The following ACVR1B variants were observed in gnomAD, a reference collection of about 807,000 sequenced individuals.
The protein encoded by ACVR1B is activin receptor type-1B.
In ACVR1B, 15 loss-of-function variants were observed where a neutral mutation model predicts 55.6. The observed-to-expected ratio is 0.27, with a 90% CI of 0.18 to 0.42. ACVR1B has a LOEUF of 0.42. ACVR1B is among the 10% of genes least tolerant of loss of function. The pLI is 1.00. For synonymous variants in ACVR1B, 247 were observed against 254.6 expected (o/e 0.97, Z 0.28); for missense variants, 359 against 670.1 (o/e 0.54, Z 5.13).
intron 4 of ACVR1B, chr12:51,982,711 A>G (rs2120678298): frequency 2.0e-6 from 3 of 1,533,282 alleles, no homozygotes; most frequent in Non-Finnish European, 2.6e-6. Flanking sequence ...TCACATTGCC[A>G]TGGGAAGTTG....
At chr12:51,958,358 A>G (rs1396593751) in intron 1 of ACVR1B, among the ~76,000 whole-genome samples, 1 of 152,146 alleles carries the variant, frequency 6.6e-6, no homozygotes, top group African/African-American at 2.4e-5. Context: ...TAGGGGAGAT[A>G]TGATTTTGGG....
chr12:51,960,089 G>A (rs1242443229), intron 1 of ACVR1B: 1 of 152,196 alleles, frequency 6.6e-6, no homozygotes, highest in Non-Finnish European at 1.5e-5. Context: ...TGCTGAGAGG[G>A]ATCCTGAGGA....
chr12:51,991,377 C>G (rs897187407), intron 7 of ACVR1B, among the ~76,000 whole-genome samples: 3 of 152,108 alleles, frequency 2.0e-5, no homozygotes, highest in African/African-American at 7.2e-5. Flanking sequence ...AAAAATGTTC[C>G]TGGCTACTCT....
chr12:51,984,640 C>T (rs889713467), intron 5 of ACVR1B, among the ~76,000 whole-genome samples: 47 of 152,242 alleles, frequency 3.1e-4, no homozygotes, highest in African/African-American at 1.1e-3. Context: ...AGACCTGAAG[C>T]TCTGCTACTT....
At position 51,989,565 on chromosome 12, in the gene ACVR1B, G is replaced by A. The variant is rs1942149623; in HGVS notation, c.1262-2298G>A. Among the ~76,000 whole-genome samples the A allele has an allele frequency of 2.0e-5, 3 of 152,092 alleles. No homozygotes were observed. The South Asian group carries it at 6.2e-4, about 31-fold the overall frequency. ...CTCCCAAAGTGCTAGGATTATAAGC[G>A]TGAGCCACTGTGCCTGGCCTAAATT... On this transcript the variant is annotated intron_variant, in intron 7 of 8. Transcript: ENST00000257963.
intron 3 of ACVR1B, 53 bp from the exon 4 acceptor site, chr12:51,980,916 G>A: frequency 1.3e-6 from 2 of 1,514,920 alleles, no homozygotes; most frequent in Non-Finnish European, 1.8e-6. Context: ...GTGGGAGTTG[G>A]AAAATTTGTC....
chr12:51,954,575 G>T (rs779271454), intron 1 of ACVR1B, among the ~76,000 whole-genome samples: 2 of 152,186 alleles, frequency 1.3e-5, no homozygotes, highest in African/African-American at 4.8e-5. Flanking sequence ...TGTTTAAACA[G>T]CTCCTGGAAC....
chr12:51,953,990 C>T (rs1284143402), intron 1 of ACVR1B, among the ~76,000 whole-genome samples: 1 of 152,178 alleles, frequency 6.6e-6, no homozygotes, highest in East Asian at 1.9e-4. Flanking sequence ...TTCCAGGACA[C>T]GTCTAGTTGC....
At chr12:51,970,959 G>A (rs1941735873) in intron 1 of ACVR1B, among the ~76,000 whole-genome samples, 2 of 152,160 alleles carry the variant, frequency 1.3e-5, no homozygotes, top group Non-Finnish European at 1.5e-5. Context: ...GACGTTGTGT[G>A]CTGTGCCTCT....
At position 51,993,174 on chromosome 12, in the gene ACVR1B, C is replaced by T. The variant is rs551110217; in HGVS notation, c.1393-811C>T. ...GTTGAGACCTACTGTTAGCACATTT[C>T]AGGTGTACAGTATTGTTGACTCTAG... On this transcript the variant is annotated intron_variant, in intron 8 of 8. Transcript: ENST00000257963. 2.0e-5 allele frequency among the ~76,000 whole-genome samples: 3 copies of T among 152,346 alleles called. No homozygotes were observed. The East Asian group carries it at 5.8e-4, about 29-fold the overall frequency.
At chr12:51,992,165 T>G (rs1014103109) in intron 8 of ACVR1B, 172 bp downstream of exon 8, 3 of 833,778 alleles carry the variant, frequency 3.6e-6, no homozygotes, top group Admixed American at 5.6e-5. Context: ...CAGTCTCTTG[T>G]CCTGGACCCT....
At chr12:51,977,576 C>A (rs1941886574) in intron 3 of ACVR1B, among the ~76,000 whole-genome samples, 1 of 150,382 alleles carries the variant, frequency 6.6e-6, no homozygotes, top group Non-Finnish European at 1.5e-5. Flanking sequence ...TGAAGATAAA[C>A]CATTATTTTT....
chr12:51,967,079 A>C (rs561817753), intron 1 of ACVR1B, among the ~76,000 whole-genome samples: 70 of 152,082 alleles, frequency 4.6e-4, no homozygotes, highest in Non-Finnish European at 8.7e-4. Flanking sequence ...TCTCTACTAC[A>C]AATACAAAAA....
intron 7 of ACVR1B, chr12:51,987,646 AAG>A (rs1489788436): frequency 1.3e-5 from 2 of 158,702 alleles, no homozygotes; most frequent in African/African-American, 2.4e-5. Context: ...GATTGAAAAA[AAG>A]AACTGGTGGT....
intron 1 of ACVR1B, chr12:51,960,233 A>G (rs1941491978): frequency 1.3e-5 from 2 of 152,260 alleles, no homozygotes; most frequent in Non-Finnish European, 2.9e-5. Flanking sequence ...TAGCCTGGGC[A>G]ATATAGTGAG....
At position 51,995,538 on chromosome 12, in the gene ACVR1B, C is replaced by T. The variant is rs1942283449; in HGVS notation, c.*1428C>T. 6.6e-6 allele frequency: 1 copy of T among 152,460 alleles called. No homozygotes were observed. The highest frequency in any genetic ancestry group is 6.6e-5 in the Admixed American group (1 of 15,262). 9.4% of individuals were successfully genotyped at this position (152,460 alleles called of 1,614,324 possible). A position where few individuals can be genotyped will look rare whatever the true frequency, so the allele number is the denominator to read the frequency against. On this transcript the variant is annotated 3_prime_UTR_variant, in exon 9 of 9. Transcript: ENST00000257963. ...GTATATAATAACTTTGAAGCCATAACTTTTAACTGGAGTGGTTTGATTTCT... is the reference window on the plus strand; with the variant it reads ...GTATATAATAACTTTGAAGCCATAATTTTTAACTGGAGTGGTTTGATTTCT...
At chr12:51,955,703 T>A (rs982606924) in intron 1 of ACVR1B, among the ~76,000 whole-genome samples, 1 of 152,216 alleles carries the variant, frequency 6.6e-6, no homozygotes, top group African/African-American at 2.4e-5. Flanking sequence ...TAGCTGTTGT[T>A]GTAGGAGTTG....
At chr12:51,973,827 C>T (rs1941793441) in intron 1 of ACVR1B, among the ~76,000 whole-genome samples, 1 of 152,182 alleles carries the variant, frequency 6.6e-6, no homozygotes, top group Admixed American at 6.5e-5. Context: ...TCTACACTGT[C>T]TATCCACCTG....
At position 51,996,235 on chromosome 12, in the gene ACVR1B, C is replaced by G. The variant is rs1051056875; in HGVS notation, c.*2125C>G. The G allele has an allele frequency of 1.3e-5, 2 of 152,510 alleles. No homozygotes were observed. Among genetic ancestry groups the G allele is most frequent in the South Asian group, 2.1e-4 (1 of 4,830 alleles). 9.4% of individuals were successfully genotyped at this position (152,510 alleles called of 1,614,324 possible). A position where few individuals can be genotyped will look rare whatever the true frequency, so the allele number is the denominator to read the frequency against. ...TTCATTCTGAGCCCCCTTCCTGTCC[C>G]CAGGGGAGGTGTATTGTGTATGTAG... On this transcript the variant is annotated 3_prime_UTR_variant, in exon 9 of 9. Transcript: ENST00000257963.
Sources: allele counts gnomAD v4.1 joint callset (sites outside exome capture counted in the v4.1 genomes callset), GRCh38; gene constraint gnomAD v4.1.1; transcripts MANE v1.5; gene names NCBI Gene and HGNC (gene_info 2026-07-23, HGNC 2026-07-21).